The following TAFA4 variants were observed in gnomAD, a reference collection of about 807,000 sequenced individuals.
TAFA4 encodes TAFA chemokine like family member 4, also known as chemokine-like protein TAFA-4.
TAFA4 carries 20 observed loss-of-function variants against 21.1 expected under a neutral mutation model. That is an observed-to-expected ratio of 0.95 (90% confidence interval 0.67 to 1.38). The LOEUF (loss-of-function observed/expected upper bound fraction) is 1.38. TAFA4 is among the 40% of genes most tolerant of loss of function. The pLI is 0.00. For synonymous variants in TAFA4, 71 were observed against 67.4 expected, an observed-to-expected ratio of 1.05 and a Z score of -0.26; for missense variants, 211 against 180.9, an observed-to-expected ratio of 1.17 and a Z score of -0.95.
intron 1 of TAFA4, among the ~76,000 whole-genome samples, chr3:68,916,439 G>C (rs1312506097): frequency 6.6e-6 from 1 of 152,068 alleles, no homozygotes; most frequent in Non-Finnish European, 1.5e-5. Context: ...CAAATCCGTT[G>C]TGTGGTTTCC....
In TAFA4 at chr3:68,886,836, T is replaced by C. The variant is rs181149342; in HGVS notation, c.-122-1526A>G. Among the ~76,000 whole-genome samples the C allele has an allele frequency of 5.9e-5, 9 of 152,318 alleles. No homozygotes were observed. In the East Asian group the frequency reaches 1.5e-3, roughly 26 times the overall value. Reference sequence around the variant, plus strand: ...TTGAGTAATTTACCAAGAAATTTATTTCTCACAGTTCTAGGGGCTAGGAAG... The same window carrying C: ...TTGAGTAATTTACCAAGAAATTTATCTCTCACAGTTCTAGGGGCTAGGAAG... On this transcript the variant is annotated intron_variant, in intron 1 of 5. Transcript: ENST00000295569.
intron 3 of TAFA4, among the ~76,000 whole-genome samples, chr3:68,860,208 T>A (rs1024718840): frequency 6.6e-6 from 1 of 152,140 alleles, no homozygotes; most frequent in Non-Finnish European, 1.5e-5. Flanking sequence ...TCAATTTCTC[T>A]GAAAACAAAG....
At chr3:68,864,513 A>T (rs1364802472) in intron 3 of TAFA4, among the ~76,000 whole-genome samples, 4 of 152,280 alleles carry the variant, frequency 2.6e-5, no homozygotes, top group South Asian at 2.1e-4. Context: ...GCATCGGTAC[A>T]TCACTTTAAA....
intron 3 of TAFA4, among the ~76,000 whole-genome samples, chr3:68,818,187 G>C (rs1344154998): frequency 6.6e-6 from 1 of 152,116 alleles, no homozygotes; most frequent in African/African-American, 2.4e-5. Flanking sequence ...TTATGGAAAT[G>C]GCTTCTTTCT....
intron 3 of TAFA4, among the ~76,000 whole-genome samples, chr3:68,812,266 C>T (rs1370099789): frequency 1.3e-5 from 2 of 152,146 alleles, no homozygotes; most frequent in Admixed American, 6.6e-5. Context: ...ACTGCATCAA[C>T]TAACGAGCAA....
At chr3:68,886,884 A>T (rs2089678369) in intron 1 of TAFA4, among the ~76,000 whole-genome samples, 3 of 152,226 alleles carry the variant, frequency 2.0e-5, no homozygotes. Flanking sequence ...AAGGCAATTA[A>T]ATTTCAACAT....
rs902042166 is a variant in TAFA4, at chr3:68,865,526, A to T, written c.130+15204T>A. 2.0e-5 allele frequency among the ~76,000 whole-genome samples: 3 copies of T among 152,052 alleles called. No individual in the cohort carries two copies. In the South Asian group the frequency reaches 6.2e-4, roughly 31 times the overall value. On this transcript the variant is annotated intron_variant, in intron 3 of 5. Coordinates refer to ENST00000295569, the MANE Select transcript of TAFA4 (RefSeq NM_182522.5). ...ATCTCTTTTGCCTGCCACCATGTAA[A>T]ACATGCCTTTTCTCCTCCTTTGCCT...
intron 3 of TAFA4, among the ~76,000 whole-genome samples, chr3:68,876,260 T>C (rs1360224514): frequency 2.6e-5 from 4 of 152,290 alleles, no homozygotes; most frequent in African/African-American, 9.6e-5. Flanking sequence ...CTTTATAACA[T>C]GCAAAATTAC....
chr3:68,846,136 C>T (rs1234697804), intron 3 of TAFA4, among the ~76,000 whole-genome samples: 1 of 152,096 alleles, frequency 6.6e-6, no homozygotes, highest in Non-Finnish European at 1.5e-5. Context: ...TTCACCCTGT[C>T]ACTTTCAGGT....
chr3:68,743,986 C>T (rs1267132940), intron 4 of TAFA4, among the ~76,000 whole-genome samples: 3 of 152,092 alleles, frequency 2.0e-5, no homozygotes, highest in African/African-American at 7.2e-5. Context: ...GAGATGGCCC[C>T]CAGACCTCAA....
chr3:68,830,845 G>T (rs1704367651), intron 3 of TAFA4, among the ~76,000 whole-genome samples: 1 of 152,164 alleles, frequency 6.6e-6, no homozygotes, highest in South Asian at 2.1e-4. Context: ...AGGTCTCTAA[G>T]GACTTGCTTT....
chr3:68,748,497 C>T (rs1702501575), intron 4 of TAFA4, among the ~76,000 whole-genome samples: 1 of 152,210 alleles, frequency 6.6e-6, no homozygotes, highest in Non-Finnish European at 1.5e-5. Context: ...AATCCCAGCA[C>T]TTTGGGAGGC....
At chr3:68,767,581 T>C (rs538576356) in intron 3 of TAFA4, among the ~76,000 whole-genome samples, 1 of 152,086 alleles carries the variant, frequency 6.6e-6, no homozygotes, top group Admixed American at 6.6e-5. Flanking sequence ...ATGGTGTTAA[T>C]ATATAATATA....
intron 4 of TAFA4, among the ~76,000 whole-genome samples, chr3:68,742,184 A>C (rs990252987): frequency 2.8e-5 from 4 of 143,792 alleles, no homozygotes; most frequent in African/African-American, 1.0e-4. Flanking sequence ...AACTCTCAAC[A>C]AAGATAATTT....
intron 3 of TAFA4, among the ~76,000 whole-genome samples, chr3:68,755,280 G>C (rs562675071): frequency 6.6e-6 from 1 of 152,162 alleles, no homozygotes; most frequent in East Asian, 1.9e-4. Context: ...GGAGTCTTTT[G>C]TTAGAACAAC....
chr3:68,754,317 T>C (rs4855505), intron 3 of TAFA4, among the ~76,000 whole-genome samples: 41,141 of 152,132 alleles, frequency 0.27, 7,064 homozygotes, highest in East Asian at 0.87. Context: ...GGTGCATGCA[T>C]TGCATTCTGT....
intron 3 of TAFA4, among the ~76,000 whole-genome samples, chr3:68,819,274 TA>T (rs59090610): frequency 0.23 from 24,468 of 105,706 alleles, 2,407 homozygotes; most frequent in Non-Finnish European, 0.31. Context: ...TGTCTTTAAT[TA>T]AAAAAAAAAA....
intron 3 of TAFA4, among the ~76,000 whole-genome samples, chr3:68,783,087 A>C (rs1273777099): frequency 6.6e-6 from 1 of 152,244 alleles, no homozygotes; most frequent in East Asian, 1.9e-4. Flanking sequence ...TCCATTCATA[A>C]GAAATAAAAT....
At chr3:68,918,492 G>A (rs2090027155) in intron 1 of TAFA4, among the ~76,000 whole-genome samples, 1 of 152,142 alleles carries the variant, frequency 6.6e-6, no homozygotes, top group South Asian at 2.1e-4. Flanking sequence ...TGCAAGCTAT[G>A]TCTAATTTTA....
Sources: gnomAD v4.1 joint callset for allele counts (sites outside exome capture counted in the v4.1 genomes callset) on GRCh38, gnomAD v4.1.1 for gene constraint, MANE v1.5 for transcripts, NCBI Gene and HGNC (gene_info 2026-07-23, HGNC 2026-07-21) for gene names.